Variants in SERGEF observed in about 807,000 individuals in gnomAD.
The protein encoded by SERGEF is secretion-regulating guanine nucleotide exchange factor.
Under a neutral mutation model 50.0 loss-of-function variants are expected in SERGEF, and 51 were observed. The observed-to-expected ratio is 1.02, with a 90% confidence interval of 0.81 to 1.29. SERGEF has a LOEUF of 1.29. Ranked by LOEUF, SERGEF falls within the 50% of genes most tolerant of loss-of-function variation. SERGEF has a pLI of 0.00. For synonymous variants in SERGEF, 205 were observed against 212.4 expected, an observed-to-expected ratio of 0.97 and a Z score of 0.30; for missense variants, 521 against 557.0, an observed-to-expected ratio of 0.94 and a Z score of 0.65.
rs1297321039 is a variant in SERGEF at position 17,959,777 on chromosome 11, C to T, written c.845-141G>A. 7 of 685,328 alleles carry T rather than the reference C, an allele frequency of 1.0e-5. No individual in the cohort carries two copies. In the East Asian group the frequency reaches 2.0e-4, roughly 19 times the overall value. 42.5% of individuals were successfully genotyped at this position (685,328 alleles called of 1,614,324 possible). On this transcript the variant is annotated intron_variant, in intron 8 of 10. Coordinates refer to ENST00000265965, the MANE Select transcript of SERGEF (RefSeq NM_012139.4). Reference sequence around the variant, plus strand: ...TTCCTATCTTCCTGTAAAGAAGGCACATGCACTCATATTTTTACAGATGTG... The same window carrying T: ...TTCCTATCTTCCTGTAAAGAAGGCATATGCACTCATATTTTTACAGATGTG...
At chr11:17,791,399 G>C (rs1213592727) in intron 10 of SERGEF, among the ~76,000 whole-genome samples, 2 of 152,192 alleles carry the variant, frequency 1.3e-5, no homozygotes, top group Admixed American at 1.3e-4. Flanking sequence ...AGCAATCTGT[G>C]AGAATCTCTG....
chr11:17,808,631 A>G lies in SERGEF; in HGVS notation c.1049-20218T>C, dbSNP rs149243880. 1.5e-3 allele frequency among the ~76,000 whole-genome samples: 226 copies of G among 152,334 alleles called. 1 individual carries two copies. Among genetic ancestry groups the G allele is most frequent in the African/African-American group, 5.2e-3 (218 of 41,572 alleles). On this transcript the variant is annotated intron_variant, in intron 10 of 10. Coordinates refer to ENST00000265965, the MANE Select transcript of SERGEF (RefSeq NM_012139.4). ...AACATCCAAGCCATGTCACCCAATG[A>G]TAATTACCTTAAGACGCTTGCTGTC...
At chr11:17,954,878 G>A (rs925497041) in intron 9 of SERGEF, among the ~76,000 whole-genome samples, 1 of 152,212 alleles carries the variant, frequency 6.6e-6, no homozygotes, top group African/African-American at 2.4e-5. Context: ...TTCCTAGCTA[G>A]CCTCTCTGGC....
At position 17,888,166 on chromosome 11, in the gene SERGEF, C is replaced by T. The variant is rs1851465667; in HGVS notation, c.1012-9922G>A. ...GAAACCATCCCATCCCCACCTCTTC[C>T]AGGAAACCGGCCCCTAGTGCCAAAA... On this transcript the variant is annotated intron_variant, in intron 9 of 10. Transcript: ENST00000265965. This position sits in a 1 kb window ranked among gnomAD's most constrained non-coding sequence, Gnocchi z 4.1. Among the ~76,000 whole-genome samples the T allele has an allele frequency of 1.3e-5, 2 of 152,302 alleles. No individual in the cohort carries two copies. Among genetic ancestry groups the T allele is most frequent in the African/African-American group, 4.8e-5 (2 of 41,576 alleles).
chr11:18,003,681 C>T (rs1333204763), intron 4 of SERGEF, among the ~76,000 whole-genome samples: 1 of 152,000 alleles, frequency 6.6e-6, no homozygotes, highest in Non-Finnish European at 1.5e-5. Flanking sequence ...CCAGCCTGGG[C>T]AACAGAGTGA....
At chr11:17,960,092 G>A (rs915802267) in intron 8 of SERGEF, among the ~76,000 whole-genome samples, 1 of 152,094 alleles carries the variant, frequency 6.6e-6, no homozygotes, top group African/African-American at 2.4e-5. Flanking sequence ...CAATCTCTTA[G>A]GGCCTAGCTC....
intron 10 of SERGEF, among the ~76,000 whole-genome samples, chr11:17,791,969 T>G (rs143711460): frequency 1.3e-3 from 192 of 152,380 alleles, no homozygotes; most frequent in African/African-American, 4.2e-3. Flanking sequence ...ACTTAAAATT[T>G]TGTTTTCAGT....
intron 10 of SERGEF, among the ~76,000 whole-genome samples, chr11:17,845,120 C>T (rs552914476): frequency 6.6e-6 from 1 of 152,160 alleles, no homozygotes; most frequent in Non-Finnish European, 1.5e-5. Context: ...GCCATCTCCA[C>T]CAGGTTCCCT....
intron 9 of SERGEF, among the ~76,000 whole-genome samples, chr11:17,900,817 A>G (rs949617117): frequency 3.3e-5 from 5 of 152,240 alleles, no homozygotes; most frequent in African/African-American, 1.2e-4. Flanking sequence ...GTACATCAGA[A>G]ATTCAAAGAT....
intron 10 of SERGEF, among the ~76,000 whole-genome samples, chr11:17,807,039 T>C (rs1167737982): frequency 2.6e-5 from 4 of 152,084 alleles, no homozygotes; most frequent in South Asian, 2.1e-4. Context: ...TCAAATACTA[T>C]TTCATCAAGA....
chr11:17,926,457 T>C (rs1852251586), intron 9 of SERGEF, among the ~76,000 whole-genome samples: 1 of 152,156 alleles, frequency 6.6e-6, no homozygotes, highest in African/African-American at 2.4e-5. Flanking sequence ...TCAGAGTGCC[T>C]GGCTCCACGT....
chr11:17,848,893 G>A (rs141368908), intron 10 of SERGEF, among the ~76,000 whole-genome samples: 2,503 of 152,278 alleles, frequency 0.016, 36 homozygotes, highest in Non-Finnish European at 0.024. Flanking sequence ...GAGGAGATAA[G>A]GCCCAAAGAG....
At chr11:17,814,309 G>A (rs1206511867) in intron 10 of SERGEF, among the ~76,000 whole-genome samples, 1 of 152,194 alleles carries the variant, frequency 6.6e-6, no homozygotes, top group Non-Finnish European at 1.5e-5. Context: ...CAAAGACTGA[G>A]GTTTATTGGA....
At chr11:18,011,515 T>C (rs1854195076) in intron 1 of SERGEF, among the ~76,000 whole-genome samples, 2 of 152,304 alleles carry the variant, frequency 1.3e-5, no homozygotes, top group Middle Eastern at 3.4e-3. Flanking sequence ...CCTCTGGAAC[T>C]GTGAGAAAAT....
At chr11:17,958,844 T>C (rs1416382956) in intron 9 of SERGEF, among the ~76,000 whole-genome samples, 1 of 152,136 alleles carries the variant, frequency 6.6e-6, no homozygotes. Flanking sequence ...CCTTGTCATT[T>C]TCTTTTTTTG....
Position 17,959,747 on chromosome 11 carries a change from G to T in SERGEF, c.845-111C>A, listed in dbSNP as rs755839770. 4.1e-4 allele frequency: 379 copies of T among 917,966 alleles called. 2 individuals carry two copies. Among genetic ancestry groups the T allele is most frequent in the Middle Eastern group, 5.2e-4 (2 of 3,834 alleles). 56.9% of individuals were successfully genotyped at this position (917,966 alleles called of 1,614,324 possible). ...CATTTATTTTAGTACCACCTACCAG[G>T]AGCCTTCCTATCTTCCTGTAAAGAA... On this transcript the variant is annotated intron_variant, in intron 8 of 10. Coordinates refer to ENST00000265965, the MANE Select transcript of SERGEF (RefSeq NM_012139.4).
At chr11:17,816,174 C>T (rs760000983) in intron 10 of SERGEF, among the ~76,000 whole-genome samples, 2 of 152,102 alleles carry the variant, frequency 1.3e-5, no homozygotes, top group South Asian at 2.1e-4. Context: ...CTTTCCTGAT[C>T]CAGAAGTCTC....
intron 10 of SERGEF, among the ~76,000 whole-genome samples, chr11:17,837,392 G>A (rs1465663605): frequency 6.6e-6 from 1 of 151,870 alleles, no homozygotes; most frequent in African/African-American, 2.4e-5. Flanking sequence ...GGTAAAGGGG[G>A]ACAGATCCCT....
chr11:17,897,475 G>A (rs889623848), intron 9 of SERGEF, among the ~76,000 whole-genome samples: 6 of 152,182 alleles, frequency 3.9e-5, no homozygotes, highest in African/African-American at 1.2e-4. Context: ...TATGCAGCAA[G>A]AGAGAACTAA....
Sources: allele counts gnomAD v4.1 joint callset (sites outside exome capture counted in the v4.1 genomes callset), GRCh38; gene constraint gnomAD v4.1.1; non-coding constraint Gnocchi (gnomAD v3.1); transcripts MANE v1.5; gene names NCBI Gene and HGNC (gene_info 2026-07-23, HGNC 2026-07-21).